RNF112: variants seen among roughly 807,000 people sequenced by gnomAD.
RNF112 encodes brain finger protein.
Under a neutral mutation model 64.7 loss-of-function variants are expected in RNF112, and 34 were observed. The observed-to-expected ratio is 0.53, with a 90% confidence interval of 0.40 to 0.70. RNF112 has a LOEUF of 0.70. Ranked by LOEUF, RNF112 falls within the 30% of genes least tolerant of loss-of-function variation. The pLI is 0.00. For synonymous variants in RNF112, 345 were observed against 344.5 expected (o/e 1.00, Z -0.02); for missense variants, 734 against 850.0 (o/e 0.86, Z 1.70).
intron 2 of RNF112, 25 bp downstream of exon 2, chr17:19,411,695 G>C: frequency 1.3e-6 from 2 of 1,574,090 alleles, no homozygotes; most frequent in Non-Finnish European, 1.7e-6. Flanking sequence ...CTTCCAGGCT[G>C]GGATGGGTGC....
chr17:19,411,351 T>C lies in RNF112; in HGVS notation c.-58T>C. 1 of 1,549,392 alleles carries C rather than the reference T, an allele frequency of 6.5e-7. No individual in the cohort carries two copies. Among genetic ancestry groups the C allele is most frequent in the East Asian group, 2.3e-5 (1 of 43,972 alleles). On this transcript the variant is annotated 5_prime_UTR_variant, in exon 1 of 14. Transcript: ENST00000461366. ...GGAGAAAAGGCATCCTTACCTCTGGTTGAAGGTCTCGGGGCCTCCCCCTCT... is the reference window on the plus strand; with the variant it reads ...GGAGAAAAGGCATCCTTACCTCTGGCTGAAGGTCTCGGGGCCTCCCCCTCT...
Position 19,413,380 on chromosome 17 carries a change from A to G in RNF112, c.689A>G (p.His230Arg). The change falls in exon 5 of 14, where the codon CAC (histidine) becomes CGC (arginine). Residue 230 changes from histidine to arginine, a missense_variant. By Grantham distance (29) the His-to-Arg change is conservative. Transcript: ENST00000461366. This position sits in a 1 kb window ranked among gnomAD's most constrained non-coding sequence, Gnocchi z 5.9. ...GLARGIWMWS[H>R]PFLLGKEGKK... ...GCCAGGGGCATATGGATGTGGAGCCACCCCTTCTTGCTGGGGAAAGAAGGG... is the reference window on the plus strand; with the variant it reads ...GCCAGGGGCATATGGATGTGGAGCCGCCCCTTCTTGCTGGGGAAAGAAGGG... 2 of 1,612,420 alleles carry G rather than the reference A, an allele frequency of 1.2e-6. No individual in the cohort carries two copies. Among genetic ancestry groups the G allele is most frequent in the Non-Finnish European group, 1.7e-6 (2 of 1,179,186 alleles).
Position 19,416,991 on chromosome 17 carries a change from C to T in RNF112, c.*816C>T, listed in dbSNP as rs1002606519. The stretch of plus-strand genomic sequence containing the variant: ...TGAGCTAAGCCAGACAGCCTTTATA[C>T]TAGATTCTATCAAAATCTTGCAAAG... On this transcript the variant is annotated 3_prime_UTR_variant, in exon 14 of 14. Transcript: ENST00000461366. 1.3e-5 allele frequency: 2 copies of T among 152,092 alleles called. No individual in the cohort carries two copies. Among genetic ancestry groups the T allele is most frequent in the Non-Finnish European group, 2.9e-5 (2 of 68,036 alleles). 9.4% of individuals were successfully genotyped at this position (152,092 alleles called of 1,614,324 possible).
intron 1 of RNF112, 47 bp downstream of exon 1, chr17:19,411,509 G>T: frequency 1.3e-6 from 1 of 772,770 alleles, no homozygotes; most frequent in African/African-American, 2.3e-5. Flanking sequence ...GGTGGGAAGG[G>T]CCCTCCTTGG....
Position 19,415,157 on chromosome 17 carries a change from AG to A in RNF112, c.1252del (p.Asp418ThrfsTer10), listed in dbSNP as rs1187037957. The part of the protein sequence containing the change: ...GYWNEGRAVA[R>X]GDRRLLTGQQ... ...CTGGAACGAGGGGCGCGCCGTGGCC[AG>A]GGGGGACAGACGCCTACTCACGGGG... On this transcript the variant is annotated frameshift_variant, in exon 11 of 14. Coordinates refer to ENST00000461366, the MANE Select transcript of RNF112 (RefSeq NM_007148.5). LOFTEE classifies it high-confidence loss of function. This position sits in a 1 kb window ranked among gnomAD's most constrained non-coding sequence, Gnocchi z 7.8. The A allele has an allele frequency of 6.2e-7, 1 of 1,608,998 alleles. No individual in the cohort carries two copies. Among genetic ancestry groups the A allele is most frequent in the Non-Finnish European group, 8.5e-7 (1 of 1,178,806 alleles).
chr17:19,412,753 G>A lies in RNF112; in HGVS notation c.351G>A (p.Leu117=), dbSNP rs377636045. The change falls in exon 3 of 14, where the codon CTG becomes CTA. Residue 117 remains leucine (L), a synonymous_variant. Transcript: ENST00000461366. The surrounding 1 kb of genome is among the most constrained non-coding windows in gnomAD (Gnocchi z 5.1). ...LRSLGEKMKL[L]PQRPLPPALQ... is the part of the protein sequence containing the mutation. ...GCCTGGGCGAGAAGATGAAGCTCCT[G>A]CCGCAGCGGCCGCTGCCCCCTGCAC... 5 of 1,612,816 alleles carry A rather than the reference G, an allele frequency of 3.1e-6. No individual in the cohort carries two copies. The South Asian group carries it at 5.5e-5, about 18-fold the overall frequency.
rs1234615077 is a variant in RNF112, at chr17:19,412,134, A to G, written c.96-364A>G. Among the ~76,000 whole-genome samples the G allele has an allele frequency of 2.6e-5, 4 of 152,280 alleles. No individual in the cohort carries two copies. The highest frequency in any genetic ancestry group is 2.4e-5 in the African/African-American group (1 of 41,576). On this transcript the variant is annotated intron_variant, in intron 2 of 13. Transcript: ENST00000461366. The surrounding 1 kb of genome is among the most constrained non-coding windows in gnomAD (Gnocchi z 5.1). ...CAACGGCCCCATGAGGGGTATTGCT[A>G]TCCTCTCCATTGGGACAGTTAGGAA...
chr17:19,414,909 A>T (rs116551857), intron 10 of RNF112, 22 bp downstream of exon 10: 1 of 1,609,990 alleles, frequency 6.2e-7, no homozygotes, highest in Non-Finnish European at 8.5e-7. Context: ...TGAGAGCTGA[A>T]CCTCTCTTGC....
rs770411616 is a variant in RNF112 at position 19,415,520 on chromosome 17, G to T, written c.1353G>T (p.Met451Ile). 8.1e-6 allele frequency: 13 copies of T among 1,611,164 alleles called. No homozygotes were observed. Among genetic ancestry groups the T allele is most frequent in the Middle Eastern group, 3.3e-4 (2 of 6,072 alleles). ...TGPGFTSPDEMAAQLHDLRKV... is the reference protein window; with the variant it reads ...TGPGFTSPDEIAAQLHDLRKV... ...AGCCTGGGTTTTCCCGTGGACAGAT[G>T]GCTGCTCAGCTGCACGACCTGAGGA... The change falls in exon 13 of 14, where the codon ATG (methionine) becomes ATT (isoleucine). Residue 451 changes from methionine to isoleucine, a missense_variant and splice_region_variant. Transcript: ENST00000461366. This position sits in a 1 kb window ranked among gnomAD's most constrained non-coding sequence, Gnocchi z 7.8.
Position 19,411,370 on chromosome 17 carries a change from C to T in RNF112, c.-39C>T. The T allele has an allele frequency of 6.3e-7, 1 of 1,598,914 alleles. No individual in the cohort carries two copies. The highest frequency in any genetic ancestry group is 8.5e-7 in the Non-Finnish European group (1 of 1,173,806). ...CTCTGGTTGAAGGTCTCGGGGCCTC[C>T]CCCTCTGCATCCGGACCCTCTCCCC... is the stretch of plus-strand genomic sequence containing the variant. On this transcript the variant is annotated 5_prime_UTR_variant, in exon 1 of 14. Coordinates refer to ENST00000461366, the MANE Select transcript of RNF112 (RefSeq NM_007148.5).
At position 19,416,048 on chromosome 17, in the gene RNF112, C is replaced by T; in HGVS notation, c.1769C>T (p.Ala590Val). 1 of 1,554,134 alleles carries T rather than the reference C, an allele frequency of 6.4e-7. No individual in the cohort carries two copies. The highest frequency in any genetic ancestry group is 8.7e-7 in the Non-Finnish European group (1 of 1,151,248). The change falls in exon 14 of 14, where the codon GCC becomes GTC. Residue 590 changes from alanine (A) to valine (V), a missense_variant. Coordinates refer to ENST00000461366, the MANE Select transcript of RNF112 (RefSeq NM_007148.5). ...GMVAAGAAVGATGAAVVGGGV... is the reference protein window; with the variant it reads ...GMVAAGAAVGVTGAAVVGGGV... The stretch of plus-strand genomic sequence containing the variant: ...GTGGCTGCTGGAGCTGCCGTGGGGG[C>T]CACAGGGGCCGCTGTGGTTGGGGGT...
At chr17:19,411,534 C>T (rs554153664) in intron 1 of RNF112, 72 bp downstream of exon 1, 27 of 480,776 alleles carry the variant, frequency 5.6e-5, no homozygotes, top group Middle Eastern at 5.5e-4. Flanking sequence ...GGGGATGGGC[C>T]GGGGGTGGGG....
At position 19,415,018 on chromosome 17, in the gene RNF112, C is replaced by A; in HGVS notation, c.1127-20C>A. ...CCTCCCAAAGCCCGCAGTCTCTCAG[C>A]ATGCACATCTCTCCCTCAGACACAG... is the stretch of plus-strand genomic sequence containing the variant. On this transcript the variant is annotated intron_variant, in intron 10 of 13. Coordinates refer to ENST00000461366, the MANE Select transcript of RNF112 (RefSeq NM_007148.5). This position sits in a 1 kb window ranked among gnomAD's most constrained non-coding sequence, Gnocchi z 7.8. 6.3e-7 allele frequency: 1 copy of A among 1,582,250 alleles called. No individual in the cohort carries two copies. Among genetic ancestry groups the A allele is most frequent in the South Asian group, 1.1e-5 (1 of 88,250 alleles).
In RNF112 at chr17:19,412,350, T is replaced by C. The variant is rs150322023; in HGVS notation, c.96-148T>C. On this transcript the variant is annotated intron_variant, in intron 2 of 13. Coordinates refer to ENST00000461366, the MANE Select transcript of RNF112 (RefSeq NM_007148.5). The surrounding 1 kb of genome is among the most constrained non-coding windows in gnomAD (Gnocchi z 5.1). ...AGAGCTTGGCCTCTCTGGGAGCAGC[T>C]CCGCCTGTCCATGGAGGCACTGATG... is the stretch of plus-strand genomic sequence containing the variant. 2.0e-5 allele frequency: 17 copies of C among 844,164 alleles called. No individual in the cohort carries two copies. Among genetic ancestry groups the C allele is most frequent in the Non-Finnish European group, 3.0e-5 (17 of 559,616 alleles). 52.3% of individuals were successfully genotyped at this position (844,164 alleles called of 1,614,324 possible). A position where few individuals can be genotyped will look rare whatever the true frequency, so the allele number is the denominator to read the frequency against.
Position 19,415,759 on chromosome 17 carries a change from C to G in RNF112, c.1480C>G (p.Arg494Gly). 1 of 1,613,294 alleles carries G rather than the reference C, an allele frequency of 6.2e-7. No homozygotes were observed. Among genetic ancestry groups the G allele is most frequent in the Non-Finnish European group, 8.5e-7 (1 of 1,179,722 alleles). The change falls in exon 14 of 14, where the codon CGG becomes GGG. Residue 494 changes from arginine (R) to glycine (G), a missense_variant. Coordinates refer to ENST00000461366, the MANE Select transcript of RNF112 (RefSeq NM_007148.5). The surrounding 1 kb of genome is among the most constrained non-coding windows in gnomAD (Gnocchi z 7.8). ...SALRVLPDTM[R>G]NLLSTQKDAI... is the part of the protein sequence containing the mutation. ...GCTGCGGGTCCTGCCAGACACCATG[C>G]GGAACCTCCTCTCCACCCAGAAAGA...
rs374532214 is a variant in RNF112 at position 19,415,929 on chromosome 17, G to C, written c.1650G>C (p.Val550=). Residue 550 remains valine, a synonymous_variant, in exon 14 of 14, where the codon GTG becomes GTC. Transcript: ENST00000461366. This position sits in a 1 kb window ranked among gnomAD's most constrained non-coding sequence, Gnocchi z 7.8. The stretch of plus-strand genomic sequence containing the variant: ...GCTTCTGTGGCCACCTAGCTGCTGT[G>C]GGGGGTGCTGTGGGGGCCGGGCTCA... The part of the protein sequence containing the change: ...TMRFCGHLAA[V]GGAVGAGLMG... The C allele has an allele frequency of 2.5e-6, 4 of 1,609,820 alleles. No individual in the cohort carries two copies. Among genetic ancestry groups the C allele is most frequent in the Non-Finnish European group, 3.4e-6 (4 of 1,178,382 alleles).
In RNF112 at chr17:19,411,472, C is replaced by T. The variant is rs1567934354; in HGVS notation, c.54+10C>T. 6.2e-7 allele frequency: 1 copy of T among 1,602,470 alleles called. No individual in the cohort carries two copies. Among genetic ancestry groups the T allele is most frequent in the Non-Finnish European group, 8.5e-7 (1 of 1,177,458 alleles). ...TCGGCTTGGCAAACGGGCAAGTCTT[C>T]AGTCCTAAGATCGGGAAGGAGAGTG... is the stretch of plus-strand genomic sequence containing the variant. On this transcript the variant is annotated intron_variant, in intron 1 of 13. Coordinates refer to ENST00000461366, the MANE Select transcript of RNF112 (RefSeq NM_007148.5).
chr17:19,416,428 T>C lies in RNF112; in HGVS notation c.*253T>C. ...TTGCAGATGGTTGCCGATCTGCCCTTGTCACAGATAGGCTACATCCCAGGG... is the reference window on the plus strand; with the variant it reads ...TTGCAGATGGTTGCCGATCTGCCCTCGTCACAGATAGGCTACATCCCAGGG... On this transcript the variant is annotated 3_prime_UTR_variant, in exon 14 of 14. Coordinates refer to ENST00000461366, the MANE Select transcript of RNF112 (RefSeq NM_007148.5). The C allele has an allele frequency of 2.1e-6, 1 of 472,228 alleles. No homozygotes were observed. Among genetic ancestry groups the C allele is most frequent in the Non-Finnish European group, 3.8e-6 (1 of 266,542 alleles). 29.3% of individuals were successfully genotyped at this position (472,228 alleles called of 1,614,324 possible).
rs374233502 is a variant in RNF112, at chr17:19,415,755, C to T, written c.1476C>T (p.Thr492=). 6.2e-7 allele frequency: 1 copy of T among 1,613,268 alleles called. No homozygotes were observed. Among genetic ancestry groups the T allele is most frequent in the African/African-American group, 1.3e-5 (1 of 74,944 alleles). ...IFSALRVLPD[T]MRNLLSTQKD... ...CTGCGCTGCGGGTCCTGCCAGACACCATGCGGAACCTCCTCTCCACCCAGA... is the reference window on the plus strand; with the variant it reads ...CTGCGCTGCGGGTCCTGCCAGACACTATGCGGAACCTCCTCTCCACCCAGA... Residue 492 remains threonine (T), a synonymous_variant, in exon 14 of 14, where the codon ACC becomes ACT. Coordinates refer to ENST00000461366, the MANE Select transcript of RNF112 (RefSeq NM_007148.5). The surrounding 1 kb of genome is among the most constrained non-coding windows in gnomAD (Gnocchi z 7.8).
Sources: allele counts gnomAD v4.1 joint callset (sites outside exome capture counted in the v4.1 genomes callset), GRCh38; gene constraint gnomAD v4.1.1; non-coding constraint Gnocchi (gnomAD v3.1); transcripts MANE v1.5; gene names NCBI Gene and HGNC (gene_info 2026-07-23, HGNC 2026-07-21).